Variants in EYS observed in about 807,000 individuals in gnomAD.
EYS encodes protein eyes shut homolog.
A neutral mutation model predicts 282.1 loss-of-function variants in EYS; 250 were observed. That is an observed-to-expected ratio of 0.89 (90% confidence interval 0.80 to 0.98). EYS has a LOEUF of 0.98. EYS is among the 50% of genes least tolerant of loss of function. The pLI, the probability that EYS is intolerant of heterozygous loss-of-function variation, is 0.00. For missense variants in EYS, 4,016 were observed against 3,709.0 expected, an observed-to-expected ratio of 1.08 and a Z score of -2.15; for synonymous variants, 1,355 against 1,282.9, an observed-to-expected ratio of 1.06 and a Z score of -1.20.
intron 19 of EYS, among the ~76,000 whole-genome samples, chr6:64,849,800 C>A (rs996438296): frequency 6.6e-6 from 1 of 151,838 alleles, no homozygotes; most frequent in African/African-American, 2.4e-5. Flanking sequence ...GTAGTGCCCC[C>A]CATCTTTAAT....
At chr6:65,001,888 T>C (rs1338706759) in intron 13 of EYS, among the ~76,000 whole-genome samples, 1 of 147,342 alleles carries the variant, frequency 6.8e-6, no homozygotes, top group Non-Finnish European at 1.5e-5. Context: ...GATTATATTA[T>C]GAAATACATT....
chr6:64,435,493 A>G (rs549854087), intron 28 of EYS, among the ~76,000 whole-genome samples: 44 of 150,016 alleles, frequency 2.9e-4, no homozygotes, highest in East Asian at 2.8e-3. Context: ...CTTTTACTAA[A>G]TAATCTATTG....
chr6:65,463,419 A>C (rs1764888625), intron 5 of EYS, among the ~76,000 whole-genome samples: 1 of 152,102 alleles, frequency 6.6e-6, no homozygotes, highest in Non-Finnish European at 1.5e-5. Flanking sequence ...CTATTCTCTT[A>C]GCATTTGCTG....
At chr6:63,946,955 A>G (rs1765416940) in intron 35 of EYS, among the ~76,000 whole-genome samples, 1 of 152,004 alleles carries the variant, frequency 6.6e-6, no homozygotes, top group Admixed American at 6.6e-5. Flanking sequence ...CCATAAATAT[A>G]TACACCTATG....
intron 10 of EYS, among the ~76,000 whole-genome samples, chr6:65,338,818 A>G (rs1392840485): frequency 6.6e-6 from 1 of 151,092 alleles, no homozygotes; most frequent in Admixed American, 6.6e-5. Flanking sequence ...ACATAACACA[A>G]TATTATTACC....
chr6:63,759,388 A>G (rs947533357), intron 41 of EYS, among the ~76,000 whole-genome samples: 18 of 152,132 alleles, frequency 1.2e-4, no homozygotes, highest in African/African-American at 4.1e-4. Flanking sequence ...CTTAGCTGCC[A>G]CATCTATTCA....
chr6:64,792,632 A>G (rs1459553497), intron 22 of EYS, among the ~76,000 whole-genome samples: 1 of 152,092 alleles, frequency 6.6e-6, no homozygotes, highest in Admixed American at 6.6e-5. Flanking sequence ...ACTCCAAAGC[A>G]CAGGGAAATT....
chr6:63,909,033 G>A (rs1405637157), intron 35 of EYS, among the ~76,000 whole-genome samples: 4 of 152,092 alleles, frequency 2.6e-5, no homozygotes, highest in Non-Finnish European at 5.9e-5. Flanking sequence ...TGCTTATAAT[G>A]TTAAACGTGA....
At chr6:64,679,098 C>G (rs1252863458) in intron 22 of EYS, among the ~76,000 whole-genome samples, 2 of 151,538 alleles carry the variant, frequency 1.3e-5, no homozygotes, top group Non-Finnish European at 1.5e-5. Flanking sequence ...AAAAGTTACA[C>G]TTTCATTTCT....
chr6:65,345,051 T>C lies in EYS; in HGVS notation c.1460-874A>G, dbSNP rs1024596197. On this transcript the variant is annotated intron_variant, in intron 9 of 42. Coordinates refer to ENST00000503581, the MANE Select transcript of EYS (RefSeq NM_001142800.2). ...TGGAAAATAGAATGTAAGCTATGCA[T>C]TTTACAACTGAGTTGTAAATTAGAA... Among the ~76,000 whole-genome samples the C allele has an allele frequency of 2.0e-5, 3 of 151,658 alleles. No homozygotes were observed. The East Asian group carries it at 5.8e-4, about 29-fold the overall frequency.
chr6:65,133,860 C>G (rs1356007132), intron 12 of EYS, among the ~76,000 whole-genome samples: 1 of 151,776 alleles, frequency 6.6e-6, no homozygotes, highest in Non-Finnish European at 1.5e-5. Context: ...AAAATATTTG[C>G]AAACTGCAAC....
rs138911121 is a variant in EYS at position 64,307,936 on chromosome 6, T to C, written c.6079-854A>G. Among the ~76,000 whole-genome samples the C allele has an allele frequency of 8.6e-3, 1,315 of 152,108 alleles. 26 individuals carry two copies. The highest frequency in any genetic ancestry group is 0.029 in the African/African-American group (1,205 of 41,526). On this transcript the variant is annotated intron_variant, in intron 29 of 42. Transcript: ENST00000503581. ...AAAAGTTACTCATGCCTATATATCT[T>C]AGTACTGTATAGATTACATAGTCAC...
intron 24 of EYS, among the ~76,000 whole-genome samples, chr6:64,609,583 G>A (rs1309691201): frequency 6.7e-6 from 1 of 149,290 alleles, no homozygotes; most frequent in African/African-American, 2.4e-5. Context: ...ATTTTAGAGA[G>A]TAGCTTAATA....
intron 22 of EYS, among the ~76,000 whole-genome samples, chr6:64,751,798 A>G (rs1023677572): frequency 1.9e-4 from 29 of 152,252 alleles, no homozygotes; most frequent in African/African-American, 6.7e-4. Context: ...ACAGCCCCAT[A>G]TGTGGCAGCA....
chr6:65,656,020 A>G (rs1767809492), intron 1 of EYS, among the ~76,000 whole-genome samples: 1 of 151,762 alleles, frequency 6.6e-6, no homozygotes, highest in African/African-American at 2.4e-5. Flanking sequence ...CGTTTTCATT[A>G]TTATATCTGT....
chr6:63,884,211 C>T (rs1773205423), intron 35 of EYS, among the ~76,000 whole-genome samples: 1 of 152,012 alleles, frequency 6.6e-6, no homozygotes, highest in Non-Finnish European at 1.5e-5. Flanking sequence ...TAGAATAATG[C>T]TTTTCTTTTA....
chr6:65,392,855 A>G (rs1562146981), intron 7 of EYS, among the ~76,000 whole-genome samples: 2 of 151,990 alleles, frequency 1.3e-5, no homozygotes, highest in African/African-American at 4.8e-5. Flanking sequence ...TCATGCTGCT[A>G]TAAAGACACA....
At chr6:63,998,434 A>T (rs1014476790) in intron 34 of EYS, among the ~76,000 whole-genome samples, 4 of 152,210 alleles carry the variant, frequency 2.6e-5, no homozygotes, top group African/African-American at 9.6e-5. Flanking sequence ...TGGCTGCTTT[A>T]ATGTCTACTA....
chr6:65,673,604 C>T (rs188488433), intron 1 of EYS, among the ~76,000 whole-genome samples: 401 of 151,994 alleles, frequency 2.6e-3, no homozygotes, highest in African/African-American at 8.7e-3. Flanking sequence ...CTTGATGAGG[C>T]GTGTTTTTAA....
Sources: gnomAD v4.1 joint callset for allele counts (sites outside exome capture counted in the v4.1 genomes callset) on GRCh38, gnomAD v4.1.1 for gene constraint, MANE v1.5 for transcripts, NCBI Gene and HGNC (gene_info 2026-07-23, HGNC 2026-07-21) for gene names.